Variants in ARHGEF3 observed in about 807,000 individuals in gnomAD.
ARHGEF3 encodes Rho guanine nucleotide exchange factor 3, also known as 59.8 kDA protein.
Under a neutral mutation model 63.2 loss-of-function variants are expected in ARHGEF3, and 28 were observed. The ratio of observed to expected loss-of-function variants is 0.44; its 90% CI spans 0.33 to 0.61. The LOEUF (loss-of-function observed/expected upper bound fraction) is 0.61. Ranked by LOEUF, ARHGEF3 falls within the 20% of genes least tolerant of loss-of-function variation. ARHGEF3 has a pLI of 0.03. For synonymous variants in ARHGEF3, 266 were observed against 254.2 expected, an observed-to-expected ratio of 1.05 and a Z score of -0.44; for missense variants, 533 against 659.3, an observed-to-expected ratio of 0.81 and a Z score of 2.10.
chr3:56,895,464 A>T (rs1296869238), intron 3 of ARHGEF3, among the ~76,000 whole-genome samples: 27 of 90,564 alleles, frequency 3.0e-4, no homozygotes, highest in African/African-American at 1.5e-3. Context: ...TTATTTATTT[A>T]TTTATTTATT....
intron 4 of ARHGEF3, among the ~76,000 whole-genome samples, chr3:56,831,546 T>C (rs56357826): frequency 0.24 from 36,298 of 152,184 alleles, 4,838 homozygotes; most frequent in African/African-American, 0.35. Context: ...TGACAATAAA[T>C]AAATAACAGT....
intron 4 of ARHGEF3, among the ~76,000 whole-genome samples, chr3:56,819,446 T>C (rs2038386312): frequency 6.6e-6 from 1 of 152,140 alleles, no homozygotes; most frequent in Non-Finnish European, 1.5e-5. Context: ...GGAGCTAGTT[T>C]ATTCTTTTGA....
chr3:56,905,716 A>G (rs1156347754), intron 3 of ARHGEF3, among the ~76,000 whole-genome samples: 1 of 152,238 alleles, frequency 6.6e-6, no homozygotes, highest in Non-Finnish European at 1.5e-5. Context: ...CCCTCCTCGA[A>G]CAGCATTATC....
At chr3:56,763,266 C>T (rs1249925133) in intron 2 of ARHGEF3, among the ~76,000 whole-genome samples, 1 of 152,158 alleles carries the variant, frequency 6.6e-6, no homozygotes, top group Non-Finnish European at 1.5e-5. Context: ...ACTCGGTCAG[C>T]AGGAATGGTA....
intron 3 of ARHGEF3, among the ~76,000 whole-genome samples, chr3:56,953,341 C>T (rs1699897221): frequency 1.3e-5 from 2 of 152,188 alleles, no homozygotes; most frequent in Admixed American, 6.5e-5. Flanking sequence ...CTTCTATACA[C>T]GGAGAATGGA....
At chr3:56,983,810 C>T (rs1295216385) in intron 2 of ARHGEF3, among the ~76,000 whole-genome samples, 1 of 152,120 alleles carries the variant, frequency 6.6e-6, no homozygotes, top group Non-Finnish European at 1.5e-5. Flanking sequence ...GTGGTGCACG[C>T]CTGTAGTCCC....
intron 2 of ARHGEF3, among the ~76,000 whole-genome samples, chr3:57,013,947 T>C (rs923912803): frequency 3.3e-5 from 5 of 152,206 alleles, no homozygotes; most frequent in Admixed American, 1.3e-4. Context: ...CAATTTCCAC[T>C]CTGGGGAAGT....
At chr3:57,065,158 A>G (rs924833307) in intron 1 of ARHGEF3, among the ~76,000 whole-genome samples, 3 of 152,194 alleles carry the variant, frequency 2.0e-5, no homozygotes, top group African/African-American at 7.2e-5. Context: ...TTAAATGTTG[A>G]AATTACTTGC....
chr3:56,875,791 C>A (rs2040567510), intron 4 of ARHGEF3, among the ~76,000 whole-genome samples: 2 of 152,230 alleles, frequency 1.3e-5, no homozygotes, highest in Non-Finnish European at 2.9e-5. Context: ...CTGCTACGGG[C>A]AAGGCCTTGT....
At chr3:56,953,733 G>A (rs1193421096) in intron 3 of ARHGEF3, among the ~76,000 whole-genome samples, 4 of 152,184 alleles carry the variant, frequency 2.6e-5, no homozygotes, top group Non-Finnish European at 2.9e-5. Context: ...ATGGATCCTG[G>A]AAGCAAATCT....
At chr3:57,074,310 G>T (rs1333105357) in intron 1 of ARHGEF3, 2 of 1,559,954 alleles carry the variant, frequency 1.3e-6, no homozygotes, top group Admixed American at 1.7e-5. Flanking sequence ...GCAGCTGTTT[G>T]TCTGGGCCTT....
intron 1 of ARHGEF3, among the ~76,000 whole-genome samples, chr3:57,052,316 A>G (rs1184794462): frequency 1.3e-5 from 2 of 152,136 alleles, no homozygotes; most frequent in Non-Finnish European, 2.9e-5. Flanking sequence ...TTTCTTTTTC[A>G]GACGGAGTCT....
chr3:56,914,853 T>C (rs551421706), intron 3 of ARHGEF3, among the ~76,000 whole-genome samples: 2 of 152,028 alleles, frequency 1.3e-5, no homozygotes, highest in East Asian at 1.9e-4. Context: ...GAGGGAAGAA[T>C]GGAGAGTTAT....
At chr3:57,048,144 C>T (rs1046038020) in intron 1 of ARHGEF3, among the ~76,000 whole-genome samples, 3 of 152,176 alleles carry the variant, frequency 2.0e-5, no homozygotes, top group Admixed American at 6.5e-5. Context: ...ACCACCACCC[C>T]GCCCTAACTC....
intron 6 of ARHGEF3, among the ~76,000 whole-genome samples, chr3:56,750,255 G>A (rs1006496019): frequency 2.0e-5 from 3 of 152,164 alleles, no homozygotes; most frequent in Admixed American, 1.3e-4. Flanking sequence ...TGTAGAATAG[G>A]GAGCGGTGGG....
intron 4 of ARHGEF3, among the ~76,000 whole-genome samples, chr3:56,813,499 C>T (rs780564827): frequency 6.6e-6 from 1 of 152,126 alleles, no homozygotes; most frequent in Non-Finnish European, 1.5e-5. Flanking sequence ...ACCGTGTTAT[C>T]GAAAAGATCT....
At chr3:56,987,802 C>T (rs919855108) in intron 2 of ARHGEF3, among the ~76,000 whole-genome samples, 3 of 152,208 alleles carry the variant, frequency 2.0e-5, no homozygotes, top group Non-Finnish European at 2.9e-5. Flanking sequence ...CCACTCACAG[C>T]GTATGCTCTC....
intron 3 of ARHGEF3, among the ~76,000 whole-genome samples, chr3:56,940,422 G>C (rs902081141): frequency 6.6e-6 from 1 of 152,150 alleles, no homozygotes; most frequent in African/African-American, 2.4e-5. Flanking sequence ...ACTCAAAAAT[G>C]CAAATCTGCT....
intron 1 of ARHGEF3, among the ~76,000 whole-genome samples, chr3:57,050,556 A>G (rs1429741797): frequency 6.6e-6 from 1 of 152,126 alleles, no homozygotes; most frequent in African/African-American, 2.4e-5. Flanking sequence ...ACTGAGGGAC[A>G]CTACAGGTGG....
Sources: allele counts gnomAD v4.1 joint callset (sites outside exome capture counted in the v4.1 genomes callset), GRCh38; gene constraint gnomAD v4.1.1; transcripts MANE v1.5; gene names NCBI Gene and HGNC (gene_info 2026-07-23, HGNC 2026-07-21).